Variants in SNTG2 observed in about 807,000 individuals in gnomAD.
SNTG2 encodes gamma-2-syntrophin.
SNTG2 carries 74 observed loss-of-function variants against 70.9 expected under a neutral mutation model. That is an observed-to-expected ratio of 1.04 (90% CI 0.86 to 1.27). The LOEUF (loss-of-function observed/expected upper bound fraction) is 1.27, where lower values mean the gene tolerates loss of function less well. SNTG2 is among the 50% of genes most tolerant of loss of function. The probability of loss-of-function intolerance (pLI) is 0.00; values close to 1 mark genes in which losing one functional copy is unlikely to be tolerated. For synonymous variants in SNTG2, 278 were observed against 273.8 expected, an observed-to-expected ratio of 1.02 and a Z score of -0.15; for missense variants, 717 against 690.7, an observed-to-expected ratio of 1.04 and a Z score of -0.43.
At chr2:1,125,273 A>C (rs1243409731) in intron 4 of SNTG2, among the ~76,000 whole-genome samples, 1 of 152,196 alleles carries the variant, frequency 6.6e-6, no homozygotes, top group Admixed American at 6.5e-5. Flanking sequence ...TTTATTTCAT[A>C]ATATTAAAAC....
chr2:1,246,206 G>C (rs1418352639), intron 11 of SNTG2, among the ~76,000 whole-genome samples: 1 of 152,160 alleles, frequency 6.6e-6, no homozygotes, highest in Non-Finnish European at 1.5e-5. Context: ...CATGATGATA[G>C]CTGTTCGGCT....
intron 1 of SNTG2, among the ~76,000 whole-genome samples, chr2:1,025,004 G>A (rs13415684): frequency 0.74 from 113,398 of 152,228 alleles, 43,607 homozygotes; most frequent in African/African-American, 0.89. Context: ...TACACTCTAC[G>A]TGGATTAGAT....
intron 1 of SNTG2, among the ~76,000 whole-genome samples, chr2:1,054,928 C>CT (rs1013899844): frequency 4.3e-5 from 5 of 116,104 alleles, no homozygotes; most frequent in African/African-American, 1.6e-4. Context: ...AGGGTGATGG[C>CT]TTTTTTTGTT....
chr2:1,006,902 G>A (rs1319047988), intron 1 of SNTG2, among the ~76,000 whole-genome samples: 1 of 152,058 alleles, frequency 6.6e-6, no homozygotes, highest in African/African-American at 2.4e-5. Flanking sequence ...GGTGACACAT[G>A]CCTGTAATCC....
At chr2:960,406 A>G (rs1371559560) in intron 1 of SNTG2, among the ~76,000 whole-genome samples, 2 of 152,304 alleles carry the variant, frequency 1.3e-5, no homozygotes, top group Admixed American at 6.5e-5. Context: ...TTTTCAGGGT[A>G]GGGTCATGTG....
chr2:1,159,663 A>G (rs28397001), intron 6 of SNTG2, among the ~76,000 whole-genome samples: 116,749 of 152,018 alleles, frequency 0.77, 45,859 homozygotes, highest in Non-Finnish European at 0.86. Flanking sequence ...TTGTCACCTA[A>G]GAATCTGAAG....
At chr2:1,246,321 G>A (rs1677424231) in intron 11 of SNTG2, among the ~76,000 whole-genome samples, 1 of 152,170 alleles carries the variant, frequency 6.6e-6, no homozygotes, top group African/African-American at 2.4e-5. Context: ...GACTTCCCAG[G>A]AAGTCTCTCC....
chr2:1,077,996 A>T (rs907443139), intron 1 of SNTG2, among the ~76,000 whole-genome samples: 4 of 151,898 alleles, frequency 2.6e-5, no homozygotes, highest in Non-Finnish European at 4.4e-5. Context: ...TTATGTTTTC[A>T]TGTCTCTCTG....
intron 6 of SNTG2, among the ~76,000 whole-genome samples, chr2:1,141,884 C>A (rs28871746): frequency 3.3e-5 from 5 of 152,140 alleles, no homozygotes; most frequent in African/African-American, 7.2e-5. Flanking sequence ...CACATTAGTC[C>A]CACATTGTGA....
At chr2:1,181,814 C>G (rs544112311) in intron 8 of SNTG2, among the ~76,000 whole-genome samples, 1 of 152,292 alleles carries the variant, frequency 6.6e-6, no homozygotes, top group South Asian at 2.1e-4. Context: ...CCTTTCCCAG[C>G]ACCTGAGTAT....
At chr2:1,135,996 G>A (rs1258158010) in intron 4 of SNTG2, among the ~76,000 whole-genome samples, 1 of 152,130 alleles carries the variant, frequency 6.6e-6, no homozygotes, top group Non-Finnish European at 1.5e-5. Context: ...TAAATATTGA[G>A]AATTATGATG....
intron 1 of SNTG2, among the ~76,000 whole-genome samples, chr2:994,604 T>A (rs1356285684): frequency 6.6e-6 from 1 of 152,072 alleles, no homozygotes; most frequent in East Asian, 1.9e-4. Flanking sequence ...TTGTATTGAA[T>A]CTGTAGATCA....
rs1666039242 is a variant in SNTG2, at chr2:1,105,254, T to C, written c.325+6844T>C. Among the ~76,000 whole-genome samples, 3 of 151,704 alleles carry C rather than the reference T, an allele frequency of 2.0e-5. No individual in the cohort carries two copies. The South Asian group carries it at 6.2e-4, about 32-fold the overall frequency. On this transcript the variant is annotated intron_variant, in intron 4 of 16. Coordinates refer to ENST00000308624, the MANE Select transcript of SNTG2 (RefSeq NM_018968.4). ...GTGGGGTGGCCCCACTTGCATTTTG[T>C]CATTGCCAGCTGTGCCATGCAGAGG...
chr2:1,153,440 G>A (rs77708499), intron 6 of SNTG2, among the ~76,000 whole-genome samples: 3,265 of 152,198 alleles, frequency 0.021, 121 homozygotes, highest in African/African-American at 0.074. Flanking sequence ...ATCGTTGTTC[G>A]AATGACACAT....
chr2:1,328,182 C>T (rs1020847561), intron 16 of SNTG2, among the ~76,000 whole-genome samples: 3 of 152,130 alleles, frequency 2.0e-5, no homozygotes, highest in African/African-American at 7.2e-5. Flanking sequence ...CCAGGCACCT[C>T]CCACCAGGCC....
At chr2:1,322,901 G>C (rs928020212) in intron 16 of SNTG2, among the ~76,000 whole-genome samples, 1 of 152,230 alleles carries the variant, frequency 6.6e-6, no homozygotes, top group South Asian at 2.1e-4. Context: ...GGGCTCAGAG[G>C]AAGGCCCAGA....
chr2:1,256,129 A>G lies in SNTG2; in HGVS notation c.1006-3241A>G, dbSNP rs142204760. 4.6e-4 allele frequency among the ~76,000 whole-genome samples: 70 copies of G among 151,668 alleles called. No individual in the cohort carries two copies. In the East Asian group the frequency reaches 0.013, roughly 27 times the overall value. The stretch of plus-strand genomic sequence containing the variant: ...ATGTATATTTTCATATAGAAAACCA[A>G]ATGTTTCGGCACCATTACTGCCTAT... On this transcript the variant is annotated intron_variant, in intron 12 of 16. Coordinates refer to ENST00000308624, the MANE Select transcript of SNTG2 (RefSeq NM_018968.4).
At position 1,220,882 on chromosome 2, in the gene SNTG2, G is replaced by A. The variant is rs769523932; in HGVS notation, c.719+11652G>A. 3.8e-4 allele frequency among the ~76,000 whole-genome samples: 58 copies of A among 152,208 alleles called. 1 individual carries two copies. Among genetic ancestry groups the A allele is most frequent in the Admixed American group, 4.6e-4 (7 of 15,284 alleles). ...CCGCCCCCTCCACGGGCACGTAGGT[G>A]AATCAGGGTGGACCCACTGCTAAGC... is the stretch of plus-strand genomic sequence containing the variant. On this transcript the variant is annotated intron_variant, in intron 9 of 16. Transcript: ENST00000308624.
chr2:954,810 T>C (rs1404382461), intron 1 of SNTG2, among the ~76,000 whole-genome samples: 1 of 152,240 alleles, frequency 6.6e-6, no homozygotes, highest in Non-Finnish European at 1.5e-5. Context: ...CCCATCAGCC[T>C]GAACCTTCCT....
Sources: allele counts gnomAD v4.1 joint callset (sites outside exome capture counted in the v4.1 genomes callset), GRCh38; gene constraint gnomAD v4.1.1; transcripts MANE v1.5; gene names NCBI Gene and HGNC (gene_info 2026-07-23, HGNC 2026-07-21).